The following FRAS1 variants were observed in gnomAD, a reference collection of about 807,000 sequenced individuals.
FRAS1 encodes Fraser extracellular matrix complex subunit 1.
FRAS1 carries 290 observed loss-of-function variants against 435.2 expected under a neutral mutation model. That is an observed-to-expected ratio of 0.67 (90% CI 0.61 to 0.73). The LOEUF (loss-of-function observed/expected upper bound fraction) is 0.73, where lower values mean the gene tolerates loss of function less well. FRAS1 is among the 30% of genes least tolerant of loss of function. FRAS1 has a pLI of 0.00. For synonymous variants in FRAS1, 1,800 were observed against 1,851.0 expected, an observed-to-expected ratio of 0.97 and a Z score of 0.71; for missense variants, 4,860 against 5,001.5, an observed-to-expected ratio of 0.97 and a Z score of 0.85.
chr4:78,118,243 G>A (rs937440024), intron 2 of FRAS1, among the ~76,000 whole-genome samples: 2 of 152,192 alleles, frequency 1.3e-5, no homozygotes, highest in African/African-American at 2.4e-5. Flanking sequence ...TGCCCCTACT[G>A]GGGGGTGCCT....
chr4:78,367,060 G>A (rs1731299003), intron 22 of FRAS1, among the ~76,000 whole-genome samples: 1 of 152,166 alleles, frequency 6.6e-6, no homozygotes, highest in African/African-American at 2.4e-5. Flanking sequence ...TTAGAAGTGA[G>A]TGAAGGTGCT....
intron 2 of FRAS1, among the ~76,000 whole-genome samples, chr4:78,088,834 C>G (rs1375999278): frequency 3.3e-5 from 5 of 152,124 alleles, no homozygotes; most frequent in African/African-American, 4.8e-5. Flanking sequence ...GTTGGTGGGA[C>G]TGTAAACTAG....
chr4:78,085,312 A>T (rs1206811304), intron 2 of FRAS1, among the ~76,000 whole-genome samples: 1 of 152,146 alleles, frequency 6.6e-6, no homozygotes, highest in Admixed American at 6.6e-5. Context: ...TCGTCTGTTT[A>T]TACCTCCTGC....
chr4:78,184,534 A>G (rs1722190147), intron 2 of FRAS1, among the ~76,000 whole-genome samples: 1 of 152,216 alleles, frequency 6.6e-6, no homozygotes, highest in Non-Finnish European at 1.5e-5. Flanking sequence ...CTTGATCTAT[A>G]ATATGTACTT....
At chr4:78,198,445 T>G (rs1399694009) in intron 2 of FRAS1, among the ~76,000 whole-genome samples, 1 of 152,208 alleles carries the variant, frequency 6.6e-6, no homozygotes, top group Non-Finnish European at 1.5e-5. Flanking sequence ...CCAAATGAAT[T>G]AAGTCCTTGA....
At chr4:78,453,911 C>G (rs2627648) in intron 47 of FRAS1, among the ~76,000 whole-genome samples, 114,440 of 152,034 alleles carry the variant, frequency 0.75, 43,588 homozygotes, top group African/African-American at 0.84. Flanking sequence ...TTAGGTTATA[C>G]AGTCTTCATT....
chr4:78,149,723 C>T (rs981189031), intron 2 of FRAS1, among the ~76,000 whole-genome samples: 4 of 152,106 alleles, frequency 2.6e-5, no homozygotes, highest in African/African-American at 9.7e-5. Context: ...ATATACTTTC[C>T]TCTCTTTCTC....
At chr4:78,218,396 T>C (rs1723895163) in intron 2 of FRAS1, among the ~76,000 whole-genome samples, 1 of 152,088 alleles carries the variant, frequency 6.6e-6, no homozygotes, top group African/African-American at 2.4e-5. Flanking sequence ...CAACCTATTC[T>C]GAATTGGAGA....
chr4:78,470,448 T>C (rs74899611), intron 51 of FRAS1, among the ~76,000 whole-genome samples: 1,812 of 152,304 alleles, frequency 0.012, 29 homozygotes, highest in African/African-American at 0.042. Context: ...TGTTCTGTCA[T>C]CACTAAGTGG....
chr4:78,357,863 T>G (rs899737959), intron 20 of FRAS1, among the ~76,000 whole-genome samples: 2 of 152,200 alleles, frequency 1.3e-5, no homozygotes, highest in Non-Finnish European at 2.9e-5. Flanking sequence ...ATTTTGCCTC[T>G]GTACTCCAGT....
Position 78,534,605 on chromosome 4 carries a change from C to G in FRAS1, c.11082C>G (p.Ala3694=). 1 of 1,612,516 alleles carries G rather than the reference C, an allele frequency of 6.2e-7. No individual in the cohort carries two copies. Among genetic ancestry groups the G allele is most frequent in the Non-Finnish European group, 8.5e-7 (1 of 1,179,080 alleles). The change falls in exon 71 of 74, where the codon GCC becomes GCG. Residue 3694 remains alanine, a synonymous_variant. Transcript: ENST00000512123. Reference sequence around the variant, plus strand: ...TAGCAGAAATGGATTACAAAGGAGCCTTTTCAAAAGGTGAGTTGCTTCCTC... The same window carrying G: ...TAGCAGAAATGGATTACAAAGGAGCGTTTTCAAAAGGTGAGTTGCTTCCTC... The part of the protein sequence containing the change: ...MSLAEMDYKG[A]FSKGQILYGR...
chr4:78,232,734 C>T (rs1389096846), intron 2 of FRAS1, among the ~76,000 whole-genome samples: 2 of 152,168 alleles, frequency 1.3e-5, no homozygotes, highest in East Asian at 3.8e-4. Context: ...GCTCTCACAA[C>T]CTATCTGGAG....
chr4:78,474,925 A>T (rs368208694), intron 53 of FRAS1, among the ~76,000 whole-genome samples: 1 of 152,244 alleles, frequency 6.6e-6, no homozygotes, highest in East Asian at 1.9e-4. Flanking sequence ...ATAAAGTTCT[A>T]TTTGTCTAAA....
chr4:78,126,624 G>T (rs1033573541), intron 2 of FRAS1, among the ~76,000 whole-genome samples: 5 of 152,202 alleles, frequency 3.3e-5, no homozygotes. Flanking sequence ...TCTTGGTTTT[G>T]TCTATGAGTG....
At position 78,252,484 on chromosome 4, in the gene FRAS1, A is replaced by T; in HGVS notation, c.402A>T (p.Ser134=). 1 of 1,613,666 alleles carries T rather than the reference A, an allele frequency of 6.2e-7. No homozygotes were observed. Among genetic ancestry groups the T allele is most frequent in the Non-Finnish European group, 8.5e-7 (1 of 1,179,814 alleles). ...RCTPQPCPPL[S]CGHQELAFIP... ...CCCCCCAACCATGCCCACCGCTGTC[A>T]TGTGGACACCAGGAGCTGGCATTCA... The change falls in exon 5 of 74, where the codon TCA becomes TCT. Residue 134 remains serine (S), a synonymous_variant. Coordinates refer to ENST00000512123, the MANE Select transcript of FRAS1 (RefSeq NM_025074.7).
intron 59 of FRAS1, among the ~76,000 whole-genome samples, chr4:78,495,109 G>T (rs1253168797): frequency 6.6e-6 from 1 of 151,708 alleles, no homozygotes. Flanking sequence ...AGCTTATTGG[G>T]TTTCCAATAA....
At chr4:78,124,667 A>G (rs1394921364) in intron 2 of FRAS1, among the ~76,000 whole-genome samples, 1 of 152,132 alleles carries the variant, frequency 6.6e-6, no homozygotes, top group Admixed American at 6.5e-5. Flanking sequence ...TTTCTGATCT[A>G]TGCAGAGATT....
intron 14 of FRAS1, among the ~76,000 whole-genome samples, chr4:78,288,152 C>G (rs1165144083): frequency 6.6e-6 from 1 of 152,156 alleles, no homozygotes; most frequent in Admixed American, 6.6e-5. Context: ...TTCAGTTTAC[C>G]TGTTACTTTA....
chr4:78,167,199 C>A (rs1721366341), intron 2 of FRAS1, among the ~76,000 whole-genome samples: 1 of 152,120 alleles, frequency 6.6e-6, no homozygotes, highest in East Asian at 1.9e-4. Context: ...AATCTTGGTG[C>A]AAATTATCTT....
Sources: allele counts gnomAD v4.1 joint callset (sites outside exome capture counted in the v4.1 genomes callset), GRCh38; gene constraint gnomAD v4.1.1; transcripts MANE v1.5; gene names NCBI Gene and HGNC (gene_info 2026-07-23, HGNC 2026-07-21).